The following JAKMIP3 variants were observed in gnomAD, a reference collection of about 807,000 sequenced individuals.
The protein encoded by JAKMIP3 is Janus kinase and microtubule interacting protein 3.
JAKMIP3 carries 58 observed loss-of-function variants against 118.5 expected under a neutral mutation model. That is an observed-to-expected ratio of 0.49 (90% CI 0.40 to 0.61). JAKMIP3 has a LOEUF of 0.61. Among genes scored for constraint, JAKMIP3 ranks in the 20% least tolerant of loss-of-function variants. The pLI, the probability that JAKMIP3 is intolerant of heterozygous loss-of-function variation, is 0.00. For synonymous variants in JAKMIP3, 486 were observed against 451.2 expected, an observed-to-expected ratio of 1.08 and a Z score of -0.98; for missense variants, 950 against 1,109.0, an observed-to-expected ratio of 0.86 and a Z score of 2.04.
intron 3 of JAKMIP3, among the ~76,000 whole-genome samples, chr10:132,120,607 G>A (rs1218973009): frequency 2.0e-5 from 3 of 152,244 alleles, no homozygotes; most frequent in Non-Finnish European, 4.4e-5. Flanking sequence ...CACAAGAGGT[G>A]CCCTGAGGGC....
At chr10:132,106,382 C>T (rs1245440859) in intron 2 of JAKMIP3, among the ~76,000 whole-genome samples, 1 of 151,820 alleles carries the variant, frequency 6.6e-6, no homozygotes, top group African/African-American at 2.4e-5. Context: ...ACAGCTGCAC[C>T]TGCTCATTTA....
intron 11 of JAKMIP3, among the ~76,000 whole-genome samples, chr10:132,143,482 G>A (rs766340663): frequency 9.9e-5 from 15 of 152,144 alleles, no homozygotes; most frequent in Non-Finnish European, 1.8e-4. Context: ...TTTGCTCGGG[G>A]GCCACATGGA....
At chr10:132,174,994 C>T (rs2060017007) in intron 23 of JAKMIP3, among the ~76,000 whole-genome samples, 1 of 152,148 alleles carries the variant, frequency 6.6e-6, no homozygotes, top group Non-Finnish European at 1.5e-5. Flanking sequence ...GGCTCTTCCT[C>T]TATTCTGGAT....
intron 12 of JAKMIP3, 102 bp from the exon 13 acceptor site, chr10:132,145,416 G>A (rs762858373): frequency 2.4e-4 from 291 of 1,188,268 alleles, no homozygotes; most frequent in South Asian, 2.9e-4. Context: ...GCTTTGCCAC[G>A]CTGGCCAGAC....
intron 19 of JAKMIP3, among the ~76,000 whole-genome samples, 199 bp downstream of exon 19, chr10:132,154,189 G>A (rs562556295): frequency 2.0e-5 from 3 of 152,340 alleles, no homozygotes; most frequent in Admixed American, 6.5e-5. Flanking sequence ...CTTCATAAAC[G>A]GAGCAGGATT....
intron 23 of JAKMIP3, among the ~76,000 whole-genome samples, chr10:132,178,937 C>A (rs1420725502): frequency 3.3e-5 from 5 of 152,238 alleles, no homozygotes; most frequent in Non-Finnish European, 7.3e-5. Context: ...ATATGTACGA[C>A]TACGTCTGCA....
chr10:132,108,657 C>T (rs972731751), intron 2 of JAKMIP3, among the ~76,000 whole-genome samples: 1 of 151,640 alleles, frequency 6.6e-6, no homozygotes, highest in Non-Finnish European at 1.5e-5. Context: ...CTGGTCCTGT[C>T]TCCCACTGGT....
chr10:132,067,626 GTGGGCTTCCGTGTGGACTC>G (rs1366989716), intron 1 of JAKMIP3, among the ~76,000 whole-genome samples: 3 of 54,374 alleles, frequency 5.5e-5, no homozygotes, highest in Non-Finnish European at 8.2e-5. Context: ...CGTGTGTACT[GTGGGCTTCCGTGTGGACTC>G]TGGGCTTCCG....
At chr10:132,180,259 C>A (rs2060612863) in intron 23 of JAKMIP3, among the ~76,000 whole-genome samples, 1 of 152,116 alleles carries the variant, frequency 6.6e-6, no homozygotes, top group Admixed American at 6.5e-5. Context: ...TGAGTGAGGA[C>A]CCTGGGGTGC....
chr10:132,042,785 G>A (rs985576791), intron 1 of JAKMIP3, among the ~76,000 whole-genome samples: 1 of 152,202 alleles, frequency 6.6e-6, no homozygotes, highest in Non-Finnish European at 1.5e-5. Flanking sequence ...AAGAAAACCA[G>A]GTGCTTGAAG....
chr10:132,150,443 A>G (rs573915748), intron 16 of JAKMIP3, among the ~76,000 whole-genome samples: 7 of 152,316 alleles, frequency 4.6e-5, no homozygotes, highest in African/African-American at 1.7e-4. Context: ...CAGAGTTCCA[A>G]TTTCTATAGC....
chr10:132,066,893 G>A (rs924446689), intron 1 of JAKMIP3, among the ~76,000 whole-genome samples: 42 of 152,168 alleles, frequency 2.8e-4, no homozygotes, highest in African/African-American at 8.2e-4. Context: ...GACTGGCCGG[G>A]AAACCATGCA....
chr10:132,167,578 G>A (rs937287413), intron 22 of JAKMIP3, among the ~76,000 whole-genome samples: 4 of 152,160 alleles, frequency 2.6e-5, no homozygotes, highest in Non-Finnish European at 5.9e-5. Context: ...CATGGCACCC[G>A]CCAGCATAGA....
chr10:132,147,869 T>C, intron 13 of JAKMIP3, 83 bp from the exon 14 acceptor site: 2 of 986,704 alleles, frequency 2.0e-6, no homozygotes, highest in Non-Finnish European at 3.0e-6. Flanking sequence ...CCAGCAGCTG[T>C]CCCGTCAGCC....
At chr10:132,108,174 A>G (rs1341516257) in intron 2 of JAKMIP3, among the ~76,000 whole-genome samples, 1 of 152,062 alleles carries the variant, frequency 6.6e-6, no homozygotes, top group African/African-American at 2.4e-5. Context: ...GGTTCTTTCT[A>G]GGTTGGGGTT....
chr10:132,052,069 A>G (rs892673092), intron 1 of JAKMIP3, among the ~76,000 whole-genome samples: 6 of 152,138 alleles, frequency 3.9e-5, no homozygotes, highest in African/African-American at 1.4e-4. Flanking sequence ...AAAAAATAAA[A>G]CCACAATTAG....
chr10:132,105,358 T>C (rs2045740072), intron 2 of JAKMIP3, among the ~76,000 whole-genome samples: 1 of 152,214 alleles, frequency 6.6e-6, no homozygotes, highest in African/African-American at 2.4e-5. Flanking sequence ...AGGAAAAGGA[T>C]GGGCCATCGG....
At chr10:132,045,214 T>A (rs1179028293) in intron 1 of JAKMIP3, among the ~76,000 whole-genome samples, 1 of 152,170 alleles carries the variant, frequency 6.6e-6, no homozygotes, top group Non-Finnish European at 1.5e-5. Context: ...ATCCCGGCCA[T>A]CCTCACGGGT....
chr10:132,037,382 A>G (rs2037546002), intron 1 of JAKMIP3, among the ~76,000 whole-genome samples: 1 of 152,058 alleles, frequency 6.6e-6, no homozygotes, highest in African/African-American at 2.4e-5. Flanking sequence ...AGGCTCTCCT[A>G]GGCAAGCTGT....
Sources: allele counts gnomAD v4.1 joint callset (sites outside exome capture counted in the v4.1 genomes callset), GRCh38; gene constraint gnomAD v4.1.1; transcripts MANE v1.5; gene names NCBI Gene and HGNC (gene_info 2026-07-23, HGNC 2026-07-21).